Variants in EPS15L1 observed in about 807,000 individuals in gnomAD.
EPS15L1 encodes epidermal growth factor receptor substrate 15-like 1.
EPS15L1 carries 43 observed loss-of-function variants against 117.1 expected under a neutral mutation model. The ratio of observed to expected loss-of-function variants is 0.37; its 90% confidence interval spans 0.29 to 0.47. The LOEUF (loss-of-function observed/expected upper bound fraction) is 0.47. Among genes scored for constraint, EPS15L1 ranks in the 20% least tolerant of loss-of-function variants. EPS15L1 has a pLI of 0.99. For missense variants in EPS15L1, 981 were observed against 1,164.0 expected (o/e 0.84, Z 2.29); for synonymous variants, 459 against 470.5 (o/e 0.98, Z 0.32).
chr19:16,418,727 G>A (rs1429374486), intron 10 of EPS15L1, among the ~76,000 whole-genome samples: 3 of 152,204 alleles, frequency 2.0e-5, no homozygotes, highest in Admixed American at 6.5e-5. Flanking sequence ...GGTCATGAGG[G>A]TGGAGCCTCA....
chr19:16,464,701 C>T (rs73511192), intron 1 of EPS15L1, among the ~76,000 whole-genome samples: 1 of 151,424 alleles, frequency 6.6e-6, no homozygotes, highest in African/African-American at 2.4e-5. Context: ...CTGGGCCACA[C>T]TAGAATTGTC....
intron 1 of EPS15L1, among the ~76,000 whole-genome samples, chr19:16,468,929 A>G (rs2093325980): frequency 1.3e-5 from 2 of 152,308 alleles, no homozygotes; most frequent in South Asian, 4.1e-4. Context: ...CCAAGGTGGG[A>G]GAATTGCTTG....
chr19:16,422,957 C>T (rs1264526002), intron 9 of EPS15L1, among the ~76,000 whole-genome samples: 3 of 115,894 alleles, frequency 2.6e-5, no homozygotes, highest in Middle Eastern at 5.5e-3. Context: ...GACTCCGTCT[C>T]GGGGAAAAAA....
intron 1 of EPS15L1, among the ~76,000 whole-genome samples, chr19:16,449,521 A>G (rs1184894621): frequency 6.6e-6 from 1 of 152,152 alleles, no homozygotes; most frequent in African/African-American, 2.4e-5. Context: ...CCACTCATAC[A>G]CTGCTGATGG....
rs143392539 is a variant in EPS15L1, at chr19:16,416,923, C to A, written c.1193+629G>T. Among the ~76,000 whole-genome samples the A allele has an allele frequency of 7.3e-3, 1,113 of 152,338 alleles. 6 individuals carry two copies. The highest frequency in any genetic ancestry group is 0.014 in the Middle Eastern group (4 of 294). Reference sequence around the variant, plus strand: ...ACAGCCCATCCAAAGCCCTCGTTTACACATGAGGAAACTAAGGCACTAGGC... The same window carrying A: ...ACAGCCCATCCAAAGCCCTCGTTTAAACATGAGGAAACTAAGGCACTAGGC... On this transcript the variant is annotated intron_variant, in intron 12 of 23. Coordinates refer to ENST00000455140, the MANE Select transcript of EPS15L1 (RefSeq NM_001258374.3).
intron 1 of EPS15L1, among the ~76,000 whole-genome samples, chr19:16,443,261 T>C (rs2093050198): frequency 6.6e-6 from 1 of 152,182 alleles, no homozygotes; most frequent in Admixed American, 6.5e-5. Context: ...TTACAGTGTT[T>C]ATCCAACAAA....
At chr19:16,427,308 A>G (rs1329736650) in intron 8 of EPS15L1, among the ~76,000 whole-genome samples, 1 of 152,136 alleles carries the variant, frequency 6.6e-6, no homozygotes, top group African/African-American at 2.4e-5. Flanking sequence ...AATTCTCTGT[A>G]TTACAGGTTG....
intron 22 of EPS15L1, among the ~76,000 whole-genome samples, chr19:16,369,139 GT>G (rs2092184368): frequency 6.6e-6 from 1 of 152,196 alleles, no homozygotes; most frequent in Non-Finnish European, 1.5e-5. Flanking sequence ...CATGAGGGGA[GT>G]TTGTTTTTTA....
chr19:16,417,620 G>A lies in EPS15L1; in HGVS notation c.1125C>T (p.Leu375=), dbSNP rs753002798. The part of the protein sequence containing the change: ...GTPGPDSSGS[L]GSGEFTGVKE... ...TCACGCCAGTAAACTCCCCGGAGCC[G>A]AGAGAGCCTGAACTGTCCTAGAATT... The change falls in exon 12 of 24, where the codon CTC becomes CTT. Residue 375 remains leucine (L), a synonymous_variant. Coordinates refer to ENST00000455140, the MANE Select transcript of EPS15L1 (RefSeq NM_001258374.3). 19 of 1,614,014 alleles carry A rather than the reference G, an allele frequency of 1.2e-5. No individual in the cohort carries two copies. The highest frequency in any genetic ancestry group is 5.3e-5 in the African/African-American group (4 of 74,926).
chr19:16,388,616 A>T (rs1485150609), intron 19 of EPS15L1, among the ~76,000 whole-genome samples: 1 of 152,006 alleles, frequency 6.6e-6, no homozygotes, highest in African/African-American at 2.4e-5. Context: ...TCACGAGGTC[A>T]GAAGATCGAG....
rs574762402 is a variant in EPS15L1 at position 16,401,196 on chromosome 19, G to A, written c.1791+1125C>T. On this transcript the variant is annotated intron_variant, in intron 16 of 23. Transcript: ENST00000455140. ...AGAGTATGGGAGGAAAGAGGGAGGC[G>A]GTGCACCCAGCGGGGGCCAGACACA... 4.6e-5 allele frequency: 45 copies of A among 985,392 alleles called. No individual in the cohort carries two copies. The South Asian group carries it at 1.5e-3, about 33-fold the overall frequency. 61.0% of individuals were successfully genotyped at this position (985,392 alleles called of 1,614,324 possible). A position where few individuals can be genotyped will look rare whatever the true frequency, so the allele number is the denominator to read the frequency against.
chr19:16,376,255 G>A (rs1299261692), intron 22 of EPS15L1, among the ~76,000 whole-genome samples: 1 of 152,210 alleles, frequency 6.6e-6, no homozygotes, highest in East Asian at 1.9e-4. Flanking sequence ...CCAGACCGGG[G>A]CACAGATGGA....
chr19:16,425,673 C>T (rs151248319), intron 8 of EPS15L1, among the ~76,000 whole-genome samples: 28 of 152,264 alleles, frequency 1.8e-4, no homozygotes, highest in African/African-American at 6.0e-4. Flanking sequence ...TACTTCAAGA[C>T]GTTCAGGAGT....
At chr19:16,415,567 C>T (rs1462951758) in intron 12 of EPS15L1, among the ~76,000 whole-genome samples, 1 of 152,222 alleles carries the variant, frequency 6.6e-6, no homozygotes, top group Non-Finnish European at 1.5e-5. Context: ...ACTGAAGGAC[C>T]TGACATGCCC....
At chr19:16,400,079 G>C (rs1052590844) in intron 16 of EPS15L1, among the ~76,000 whole-genome samples, 4 of 152,186 alleles carry the variant, frequency 2.6e-5, no homozygotes, top group Admixed American at 6.5e-5. Context: ...GCTCACGCCT[G>C]TAATCCCAGC....
intron 7 of EPS15L1, among the ~76,000 whole-genome samples, chr19:16,431,327 A>G (rs191156012): frequency 2.9e-4 from 43 of 149,798 alleles, no homozygotes; most frequent in African/African-American, 1.1e-3. Flanking sequence ...TTTTTGAGAC[A>G]GAGTCTCACT....
rs1314417463 is a variant in EPS15L1, at chr19:16,442,203, G to A, written c.50C>T (p.Ser17Leu). 4.3e-6 allele frequency: 7 copies of A among 1,613,338 alleles called. No individual in the cohort carries two copies. The Admixed American group carries it at 5.0e-5, about 12-fold the overall frequency. The part of the protein sequence containing the change: ...PLSQQIPTGN[S>L]LYESYYKQVD... The stretch of plus-strand genomic sequence containing the variant: ...CTGCTTGTAATAAGATTCATACAAC[G>A]AATTTCCAGTGGGAATCTGTAAATG... The change falls in exon 2 of 24, where the codon TCG becomes TTG. Residue 17 changes from serine to leucine, a missense_variant. Transcript: ENST00000455140.
intron 1 of EPS15L1, among the ~76,000 whole-genome samples, chr19:16,470,406 A>G (rs12461692): frequency 0.022 from 3,412 of 151,760 alleles, 116 homozygotes; most frequent in Admixed American, 0.086. Context: ...AAAATTGGAC[A>G]GGAAGTTTTA....
At chr19:16,441,819 A>C (rs570243645) in intron 3 of EPS15L1, 73 bp downstream of exon 3, 2 of 1,213,496 alleles carry the variant, frequency 1.6e-6, no homozygotes, top group African/African-American at 3.0e-5. Context: ...AGGCCTGCAC[A>C]GGCTGGCCCT....
Sources: allele counts gnomAD v4.1 joint callset (sites outside exome capture counted in the v4.1 genomes callset), GRCh38; gene constraint gnomAD v4.1.1; transcripts MANE v1.5; gene names NCBI Gene and HGNC (gene_info 2026-07-23, HGNC 2026-07-21).